WNK3: variants seen among roughly 807,000 people sequenced by gnomAD.
The protein encoded by WNK3 is WNK lysine deficient protein kinase 3, also known as serine/threonine-protein kinase WNK3.
Under a neutral mutation model 116.7 loss-of-function variants are expected in WNK3, and 18 were observed. That is an observed-to-expected ratio of 0.15 (90% CI 0.11 to 0.23). WNK3 has a LOEUF of 0.23. WNK3 is among the 10% of genes least tolerant of loss of function. The pLI is 1.00. For synonymous variants in WNK3, 404 were observed against 469.4 expected, an observed-to-expected ratio of 0.86 and a Z score of 1.80; for missense variants, 993 against 1,323.8, an observed-to-expected ratio of 0.75 and a Z score of 3.88.
intron 2 of WNK3, among the ~76,000 whole-genome samples, chrX:54,320,171 C>G (rs1557171848): frequency 8.9e-6 from 1 of 112,140 alleles, no homozygotes; most frequent in Non-Finnish European, 1.9e-5. Context: ...GTTAACTAAA[C>G]ATTAAATCTA....
intron 22 of WNK3, among the ~76,000 whole-genome samples, chrX:54,208,934 A>C (rs781789848): frequency 8.9e-6 from 1 of 111,780 alleles, no homozygotes; most frequent in Non-Finnish European, 1.9e-5. Context: ...TCTACCCAGG[A>C]AAGCCCATTA....
At chrX:54,197,886 G>A (rs1333997224) in exon 24 of WNK3, 1 of 109,198 alleles carries the variant, frequency 9.2e-6, no homozygotes, top group Non-Finnish European at 1.9e-5. Context: ...CACATTTGGG[G>A]AGAATCAATC....
At chrX:54,248,582 C>T in intron 17 of WNK3, 115 bp downstream of exon 17, 2 of 641,852 alleles carry the variant, frequency 3.1e-6, no homozygotes, top group Non-Finnish European at 4.7e-6. Context: ...CCTGTGACCT[C>T]AGCATCTTGT....
intron 22 of WNK3, among the ~76,000 whole-genome samples, chrX:54,220,332 T>A (rs1208786886): frequency 9.0e-6 from 1 of 110,542 alleles, no homozygotes; most frequent in Non-Finnish European, 1.9e-5. Context: ...TGTGGGCAGA[T>A]CACTTGAGCT....
At chrX:54,277,883 G>A (rs782292991) in intron 10 of WNK3, among the ~76,000 whole-genome samples, 1 of 110,140 alleles carries the variant, frequency 9.1e-6, no homozygotes, top group Admixed American at 9.8e-5. Context: ...GCTTGAGCCC[G>A]GGAATTCAAC....
At chrX:54,246,773 A>G (rs1188511191) in intron 17 of WNK3, among the ~76,000 whole-genome samples, 1 of 112,012 alleles carries the variant, frequency 8.9e-6, no homozygotes, top group Non-Finnish European at 1.9e-5. Context: ...CACTAGTCAC[A>G]TTTCAAGTGC....
At chrX:54,268,281 T>C (rs782707896) in intron 10 of WNK3, among the ~76,000 whole-genome samples, 1 of 110,614 alleles carries the variant, frequency 9.0e-6, no homozygotes, top group Non-Finnish European at 1.9e-5. Context: ...CAGGAGTTGA[T>C]GACCAGCCTG....
chrX:54,237,038 T>A, exon 20 of WNK3: 1 of 1,212,079 alleles, frequency 8.3e-7, no homozygotes, highest in Non-Finnish European at 1.1e-6. Flanking sequence ...AAGAGTGAAC[T>A]CTGTGTTTGA....
At chrX:54,302,307 AT>A (rs1304379832) in intron 5 of WNK3, among the ~76,000 whole-genome samples, 3 of 111,396 alleles carry the variant, frequency 2.7e-5, no homozygotes, top group African/African-American at 9.8e-5. Context: ...TTATTTATTT[AT>A]TTATTTTGAG....
In WNK3 at chrX:54,249,609, T is replaced by C. The variant is rs140682208; in HGVS notation, c.2739A>G (p.Glu913=). Residue 913 remains glutamate, a synonymous_variant, in exon 17 of 24, where the codon GAA becomes GAG. Transcript: ENST00000354646. The stretch of plus-strand genomic sequence containing the variant: ...TAGTGAGCAATGTGTCCCGTGATAT[T>C]TCCTTATTACTTGTGTTTTTTGGAC... The C allele has an allele frequency of 1.1e-3, 1,346 of 1,207,583 alleles. 5 individuals carry two copies. The highest frequency in any genetic ancestry group is 2.8e-3 in the Admixed American group (125 of 45,413).
chrX:54,243,015 G>A (rs1481441898), intron 17 of WNK3, among the ~76,000 whole-genome samples: 1 of 110,441 alleles, frequency 9.1e-6, no homozygotes, highest in Non-Finnish European at 1.9e-5. Context: ...GTCTCACTAT[G>A]TTGACCAGGC....
chrX:54,286,812 T>C (rs1199622921), intron 10 of WNK3, among the ~76,000 whole-genome samples: 2 of 105,965 alleles, frequency 1.9e-5, no homozygotes, highest in Non-Finnish European at 3.9e-5. Context: ...ACTCAGGAGG[T>C]TGAGGCAGGA....
chrX:54,343,673 T>C (rs1261191164), intron 1 of WNK3: 79 of 110,877 alleles, frequency 7.1e-4, no homozygotes, highest in African/African-American at 2.2e-3. Context: ...ATCCACTTTT[T>C]TTTTTTGAGA....
intron 3 of WNK3, among the ~76,000 whole-genome samples, chrX:54,310,499 G>T (rs1336706307): frequency 4.5e-5 from 5 of 110,255 alleles, no homozygotes; most frequent in African/African-American, 1.6e-4. Flanking sequence ...AGTTAGCCAT[G>T]ATCATGCCAC....
At chrX:54,230,601 G>T (rs1443229091) in intron 21 of WNK3, among the ~76,000 whole-genome samples, 1 of 111,922 alleles carries the variant, frequency 8.9e-6, no homozygotes, top group African/African-American at 3.2e-5. Flanking sequence ...TGGGAAAATG[G>T]TTTGTTAGTT....
At chrX:54,339,740 G>T (rs2069293645) in intron 1 of WNK3, among the ~76,000 whole-genome samples, 1 of 112,261 alleles carries the variant, frequency 8.9e-6, no homozygotes, top group African/African-American at 3.2e-5. Flanking sequence ...GTGGATCACA[G>T]TCCTAAATAC....
intron 23 of WNK3, among the ~76,000 whole-genome samples, chrX:54,199,567 C>T (rs2146688432): frequency 8.9e-6 from 1 of 112,300 alleles, no homozygotes; most frequent in East Asian, 2.8e-4. Flanking sequence ...GGCGCGGTGG[C>T]TCACGCCTGT....
exon 17 of WNK3, chrX:54,248,732 C>G: frequency 8.3e-7 from 1 of 1,211,074 alleles, no homozygotes; most frequent in Non-Finnish European, 1.1e-6. Flanking sequence ...GAAGTTATCA[C>G]ATTCAGGTCC....
At chrX:54,280,512 C>T (rs1397510635) in intron 10 of WNK3, among the ~76,000 whole-genome samples, 1 of 111,155 alleles carries the variant, frequency 9.0e-6, no homozygotes, top group African/African-American at 3.3e-5. Context: ...ATTAAGAAAA[C>T]AATTCCATTT....
Sources: gnomAD v4.1 joint callset for allele counts (sites outside exome capture counted in the v4.1 genomes callset) on GRCh38, gnomAD v4.1.1 for gene constraint, MANE v1.5 for transcripts, NCBI Gene and HGNC (gene_info 2026-07-23, HGNC 2026-07-21) for gene names.